The following TANC2 variants were observed in gnomAD, a reference collection of about 807,000 sequenced individuals.
TANC2 encodes tetratricopeptide repeat, ankyrin repeat and coiled-coil containing 2, also known as protein TANC2.
In TANC2, 26 loss-of-function variants were observed where a neutral mutation model predicts 210.5. That is an observed-to-expected ratio of 0.12 (90% CI 0.09 to 0.17). The LOEUF is 0.17. Ranked by LOEUF, TANC2 falls within the 10% of genes least tolerant of loss-of-function variation. TANC2 has a pLI of 1.00. For missense variants in TANC2, 2,129 were observed against 2,608.9 expected, an observed-to-expected ratio of 0.82 and a Z score of 4.01; for synonymous variants, 931 against 967.1, an observed-to-expected ratio of 0.96 and a Z score of 0.69.
chr17:63,058,416 TTTTG>T (rs2035881332), intron 2 of TANC2, among the ~76,000 whole-genome samples: 1 of 152,240 alleles, frequency 6.6e-6, no homozygotes, highest in Non-Finnish European at 1.5e-5. Context: ...CCAGAAGCTC[TTTTG>T]TTTAATTAGA....
intron 2 of TANC2, among the ~76,000 whole-genome samples, chr17:63,042,160 C>T (rs2035213861): frequency 6.6e-6 from 1 of 151,984 alleles, no homozygotes. Flanking sequence ...GTAGTTTATT[C>T]TACTAAAATT....
intron 1 of TANC2, among the ~76,000 whole-genome samples, chr17:62,972,925 A>G (rs772734776): frequency 6.6e-5 from 10 of 152,176 alleles, no homozygotes; most frequent in South Asian, 4.2e-4. Flanking sequence ...CGTTAGCCCA[A>G]TGTCTTCCGA....
At chr17:63,148,322 C>T (rs1219214469) in intron 4 of TANC2, 2 of 152,178 alleles carry the variant, frequency 1.3e-5, no homozygotes, top group East Asian at 1.9e-4. Flanking sequence ...AGCTATATCA[C>T]TGTATCCAAG....
At chr17:63,423,907 C>G (rs1256680180) in exon 28 of TANC2, 1 of 152,340 alleles carries the variant, frequency 6.6e-6, no homozygotes, top group Non-Finnish European at 1.5e-5. Flanking sequence ...AGCGTCCTCT[C>G]TCCATCTCTA....
chr17:63,367,332 G>A (rs915503263), intron 14 of TANC2, among the ~76,000 whole-genome samples: 5 of 152,192 alleles, frequency 3.3e-5, no homozygotes. Flanking sequence ...GGCCACATGT[G>A]TCCCCGGGAG....
chr17:63,315,334 G>A (rs2045280890), intron 10 of TANC2, among the ~76,000 whole-genome samples: 1 of 152,138 alleles, frequency 6.6e-6, no homozygotes, highest in Non-Finnish European at 1.5e-5. Flanking sequence ...CAATGAGGTT[G>A]TCTTCATTTC....
intron 4 of TANC2, among the ~76,000 whole-genome samples, chr17:63,111,335 T>G (rs1292667508): frequency 2.0e-5 from 3 of 152,120 alleles, no homozygotes; most frequent in Non-Finnish European, 2.9e-5. Context: ...AAGATGTGTG[T>G]CAAGAACTTA....
intron 9 of TANC2, among the ~76,000 whole-genome samples, chr17:63,303,368 T>G (rs2044785440): frequency 6.6e-6 from 1 of 152,184 alleles, no homozygotes; most frequent in African/African-American, 2.4e-5. Flanking sequence ...AAGCTTAGTT[T>G]GGCTGGATAT....
At chr17:63,132,070 C>A (rs1453784991) in intron 4 of TANC2, among the ~76,000 whole-genome samples, 1 of 152,100 alleles carries the variant, frequency 6.6e-6, no homozygotes, top group African/African-American at 2.4e-5. Flanking sequence ...ATTTGTTGTT[C>A]CAGGCTTTAG....
intron 4 of TANC2, among the ~76,000 whole-genome samples, chr17:63,117,984 A>C (rs969280225): frequency 1.3e-5 from 2 of 152,188 alleles, no homozygotes; most frequent in East Asian, 1.9e-4. Context: ...AAATGGTTTT[A>C]TATTTTAAAA....
chr17:62,970,518 C>T (rs1368279544), intron 1 of TANC2, among the ~76,000 whole-genome samples: 2 of 108,368 alleles, frequency 1.8e-5, no homozygotes, highest in East Asian at 4.0e-4. Flanking sequence ...TGCCTTTGCT[C>T]TTTATTTCTT....
At chr17:63,419,796 G>T (rs549819513) in intron 27 of TANC2, among the ~76,000 whole-genome samples, 1 of 152,208 alleles carries the variant, frequency 6.6e-6, no homozygotes, top group African/African-American at 2.4e-5. Context: ...GAAGATGGAG[G>T]CCGAATGGGT....
chr17:63,414,040 TATC>T (rs1486533349), intron 25 of TANC2: 2 of 153,716 alleles, frequency 1.3e-5, no homozygotes, highest in Non-Finnish European at 2.9e-5. Flanking sequence ...AACAATAGCT[TATC>T]AGCATCCTTG....
At chr17:63,306,085 G>C (rs1191267823) in intron 9 of TANC2, among the ~76,000 whole-genome samples, 1 of 152,182 alleles carries the variant, frequency 6.6e-6, no homozygotes, top group Admixed American at 6.5e-5. Context: ...AATTGGTCTG[G>C]CATAATATCC....
intron 6 of TANC2, among the ~76,000 whole-genome samples, chr17:63,195,957 A>G (rs2041333115): frequency 6.6e-6 from 1 of 152,050 alleles, no homozygotes; most frequent in African/African-American, 2.4e-5. Context: ...CACATCAGCT[A>G]TATTCATTTT....
intron 19 of TANC2, among the ~76,000 whole-genome samples, chr17:63,401,529 G>A (rs1388545641): frequency 2.0e-5 from 3 of 152,160 alleles, no homozygotes; most frequent in African/African-American, 7.2e-5. Flanking sequence ...ATATTAATTG[G>A]GATGTGATTT....
chr17:63,317,187 T>C (rs2045343481), intron 10 of TANC2, among the ~76,000 whole-genome samples: 1 of 152,134 alleles, frequency 6.6e-6, no homozygotes. Context: ...TTCTTTCTGT[T>C]TGGTGTTCAG....
At chr17:63,230,764 C>T (rs890271102) in intron 7 of TANC2, among the ~76,000 whole-genome samples, 1 of 152,168 alleles carries the variant, frequency 6.6e-6, no homozygotes, top group Non-Finnish European at 1.5e-5. Flanking sequence ...GTGGAGAGTT[C>T]TGTAGCTATC....
At chr17:63,374,042 T>G (rs2047352321) in intron 14 of TANC2, among the ~76,000 whole-genome samples, 1 of 144,908 alleles carries the variant, frequency 6.9e-6, no homozygotes, top group African/African-American at 2.6e-5. Flanking sequence ...GTTTTTTTTT[T>G]TTTTTTTTTT....
Sources: gnomAD v4.1 joint callset for allele counts (sites outside exome capture counted in the v4.1 genomes callset) on GRCh38, gnomAD v4.1.1 for gene constraint, MANE v1.5 for transcripts, NCBI Gene and HGNC (gene_info 2026-07-23, HGNC 2026-07-21) for gene names.